Variants in GRID1 observed in about 807,000 individuals in gnomAD.
GRID1 encodes glutamate ionotropic receptor delta type subunit 1.
In GRID1, 28 loss-of-function variants were observed where a neutral mutation model predicts 98.0. That is an observed-to-expected ratio of 0.29 (90% CI 0.21 to 0.39). GRID1 has a LOEUF of 0.39. GRID1 is among the 10% of genes least tolerant of loss of function. The pLI, the probability that GRID1 is intolerant of heterozygous loss-of-function variation, is 1.00. For synonymous variants in GRID1, 553 were observed against 538.5 expected, an observed-to-expected ratio of 1.03 and a Z score of -0.37; for missense variants, 1,111 against 1,340.5, an observed-to-expected ratio of 0.83 and a Z score of 2.67.
intron 4 of GRID1, among the ~76,000 whole-genome samples, chr10:86,121,722 A>G (rs1243047181): frequency 2.0e-5 from 3 of 152,140 alleles, no homozygotes; most frequent in Non-Finnish European, 4.4e-5. Flanking sequence ...AAACACTTCA[A>G]ATGACTGTCT....
rs182627368 is a variant in GRID1, at chr10:86,006,230, T to C, written c.727-89991A>G. ...AGACAGATGAGGACTATTCAATAAA[T>C]AGGATAAGAAAATATGATTATCCAC... On this transcript the variant is annotated intron_variant, in intron 4 of 15. Coordinates refer to ENST00000327946, the MANE Select transcript of GRID1 (RefSeq NM_017551.3). Among the ~76,000 whole-genome samples, 1,101 of 152,316 alleles carry C rather than the reference T, an allele frequency of 7.2e-3. 18 individuals carry two copies. The highest frequency in any genetic ancestry group is 0.025 in the African/African-American group (1,037 of 41,564).
intron 4 of GRID1, among the ~76,000 whole-genome samples, chr10:86,061,390 G>A (rs947845612): frequency 6.6e-6 from 1 of 152,110 alleles, no homozygotes; most frequent in Admixed American, 6.5e-5. Flanking sequence ...AGAGGATCCT[G>A]TCTGTCTAGG....
At chr10:85,845,950 G>C (rs1340460561) in intron 8 of GRID1, among the ~76,000 whole-genome samples, 2 of 152,120 alleles carry the variant, frequency 1.3e-5, no homozygotes, top group South Asian at 2.1e-4. Context: ...ATCAAAACTG[G>C]TTCCATTTGG....
chr10:86,076,686 A>C (rs1276160759), intron 4 of GRID1, among the ~76,000 whole-genome samples: 2 of 152,182 alleles, frequency 1.3e-5, no homozygotes, highest in Non-Finnish European at 2.9e-5. Flanking sequence ...ATTTTGGGCC[A>C]TTCAGTCCTT....
intron 2 of GRID1, among the ~76,000 whole-genome samples, chr10:86,279,965 A>T (rs1847334165): frequency 6.6e-6 from 1 of 152,184 alleles, no homozygotes; most frequent in Admixed American, 6.5e-5. Context: ...GTGCTTTGGG[A>T]GCGACAGACA....
chr10:86,098,165 T>C (rs1383649426), intron 4 of GRID1, among the ~76,000 whole-genome samples: 1 of 152,218 alleles, frequency 6.6e-6, no homozygotes, highest in Admixed American at 6.5e-5. Flanking sequence ...GGTTCTGATA[T>C]GAAAGGAGTA....
In GRID1 at chr10:86,221,094, G is replaced by A. The variant is rs575322717; in HGVS notation, c.236-14446C>T. On this transcript the variant is annotated intron_variant, in intron 2 of 15. Transcript: ENST00000327946. ...ATATTTTCTGAGACAGAGCCCAGCT[G>A]GCCCTGGGACGTTACCATCTCAGCC... 1.2e-3 allele frequency among the ~76,000 whole-genome samples: 184 copies of A among 152,312 alleles called. 3 individuals carry two copies. The highest frequency in any genetic ancestry group is 2.1e-4 in the Non-Finnish European group (14 of 68,024).
intron 12 of GRID1, among the ~76,000 whole-genome samples, chr10:85,682,766 C>T (rs1266721406): frequency 6.6e-6 from 1 of 152,222 alleles, no homozygotes; most frequent in African/African-American, 2.4e-5. Context: ...CTCAGCAACA[C>T]AGCCTTGGGC....
intron 2 of GRID1, among the ~76,000 whole-genome samples, chr10:86,287,249 C>T (rs1211577170): frequency 2.0e-5 from 3 of 152,170 alleles, no homozygotes; most frequent in Non-Finnish European, 2.9e-5. Context: ...CTGCAGTCCC[C>T]AAATTCCCCC....
At chr10:85,618,656 C>T (rs560551160) in intron 14 of GRID1, among the ~76,000 whole-genome samples, 5 of 152,320 alleles carry the variant, frequency 3.3e-5, no homozygotes, top group African/African-American at 9.6e-5. Context: ...GGACTGGTTG[C>T]AGGCCCTCCT....
intron 4 of GRID1, among the ~76,000 whole-genome samples, chr10:85,978,131 G>A (rs999132834): frequency 1.3e-5 from 2 of 152,158 alleles, no homozygotes; most frequent in Admixed American, 6.5e-5. Context: ...AAGTGGTCCC[G>A]CAGTGGACAT....
At chr10:86,163,357 T>C (rs4934158) in intron 3 of GRID1, among the ~76,000 whole-genome samples, 52,476 of 151,316 alleles carry the variant, frequency 0.35, 10,370 homozygotes, top group African/African-American at 0.54. Context: ...GGCTGTGGGG[T>C]GTAGCTGTCC....
intron 4 of GRID1, among the ~76,000 whole-genome samples, chr10:86,088,224 G>A (rs1160984703): frequency 1.3e-5 from 2 of 152,114 alleles, no homozygotes; most frequent in Non-Finnish European, 2.9e-5. Flanking sequence ...CTCAATGAAG[G>A]AACATCCTGT....
rs146203291 is a variant in GRID1, at chr10:86,054,196, G to A, written c.726+84623C>T. ...GAGCAACTCTGAAGGCCCAGAGTGC[G>A]ATACCACAGGACTCACAGGGAGGCA... On this transcript the variant is annotated intron_variant, in intron 4 of 15. Coordinates refer to ENST00000327946, the MANE Select transcript of GRID1 (RefSeq NM_017551.3). Among the ~76,000 whole-genome samples the A allele has an allele frequency of 3.6e-3, 530 of 148,914 alleles. 5 individuals carry two copies. Among genetic ancestry groups the A allele is most frequent in the African/African-American group, 0.012 (504 of 40,886 alleles).
chr10:85,640,492 A>G (rs1843102793), intron 13 of GRID1, among the ~76,000 whole-genome samples: 2 of 152,238 alleles, frequency 1.3e-5, no homozygotes, highest in Non-Finnish European at 2.9e-5. Flanking sequence ...AAAAGTGCAC[A>G]GAAGTGCCCA....
chr10:86,096,858 T>G lies in GRID1; in HGVS notation c.726+41961A>C, dbSNP rs117302456. On this transcript the variant is annotated intron_variant, in intron 4 of 15. Coordinates refer to ENST00000327946, the MANE Select transcript of GRID1 (RefSeq NM_017551.3). ...AGCACCCAGTATGTGGTACTGTTTC[T>G]TCCGTAGCCAGGATTCACGGGTCCA... 1.5e-3 allele frequency among the ~76,000 whole-genome samples: 231 copies of G among 152,336 alleles called. 1 individual carries two copies. Among genetic ancestry groups the G allele is most frequent in the Admixed American group, 3.1e-3 (48 of 15,300 alleles).
intron 4 of GRID1, among the ~76,000 whole-genome samples, chr10:85,995,241 C>G (rs937641108): frequency 2.6e-5 from 4 of 152,174 alleles, no homozygotes; most frequent in Non-Finnish European, 1.5e-5. Flanking sequence ...TTTGATGGGA[C>G]GGCCACCTAT....
At chr10:86,222,200 G>C (rs1846266783) in intron 2 of GRID1, among the ~76,000 whole-genome samples, 1 of 152,314 alleles carries the variant, frequency 6.6e-6, no homozygotes, top group East Asian at 1.9e-4. Flanking sequence ...GAAGCTTGGC[G>C]ATGTGAGCCC....
At chr10:85,847,214 T>C (rs979007644) in intron 8 of GRID1, among the ~76,000 whole-genome samples, 4 of 152,242 alleles carry the variant, frequency 2.6e-5, no homozygotes, top group African/African-American at 9.6e-5. Context: ...TACTTACTGC[T>C]ATCTTTCTGG....
Sources: allele counts gnomAD v4.1 joint callset (sites outside exome capture counted in the v4.1 genomes callset), GRCh38; gene constraint gnomAD v4.1.1; transcripts MANE v1.5; gene names NCBI Gene and HGNC (gene_info 2026-07-23, HGNC 2026-07-21).